The following CDH1 variants were observed in gnomAD, a reference collection of about 807,000 sequenced individuals.
The protein encoded by CDH1 is cadherin-1.
CDH1 carries 35 observed loss-of-function variants against 84.5 expected under a neutral mutation model. The observed-to-expected ratio is 0.41, with a 90% CI of 0.32 to 0.55. The LOEUF is 0.55. Among genes scored for constraint, CDH1 ranks in the 20% least tolerant of loss-of-function variants. CDH1 has a pLI of 0.19. For synonymous variants in CDH1, 417 were observed against 439.0 expected, an observed-to-expected ratio of 0.95 and a Z score of 0.63; for missense variants, 994 against 1,126.6, an observed-to-expected ratio of 0.88 and a Z score of 1.68.
intron 2 of CDH1, among the ~76,000 whole-genome samples, chr16:68,796,985 A>G (rs1272220407): frequency 6.6e-6 from 1 of 152,166 alleles, no homozygotes; most frequent in Non-Finnish European, 1.5e-5. Context: ...CTGTAAACAT[A>G]AAATTACATT....
At chr16:68,818,606 T>C (rs1200325036) in intron 10 of CDH1, among the ~76,000 whole-genome samples, 2 of 149,758 alleles carry the variant, frequency 1.3e-5, no homozygotes, top group Non-Finnish European at 3.0e-5. Flanking sequence ...CCCAGCACTT[T>C]GGGAGGCCGA....
At chr16:68,807,701 G>A (rs954490704) in intron 3 of CDH1, among the ~76,000 whole-genome samples, 1 of 151,796 alleles carries the variant, frequency 6.6e-6, no homozygotes, top group African/African-American at 2.4e-5. Context: ...TTTAAAAAAA[G>A]AAAAGAAAAG....
intron 2 of CDH1, among the ~76,000 whole-genome samples, chr16:68,788,892 C>G (rs1334517319): frequency 6.6e-6 from 1 of 152,140 alleles, no homozygotes; most frequent in Non-Finnish European, 1.5e-5. Context: ...GTAATCCCAG[C>G]TGCTTGGGAG....
chr16:68,813,174 T>C (rs1960885493), intron 8 of CDH1, 139 bp from the exon 9 acceptor site: 1 of 871,290 alleles, frequency 1.1e-6, no homozygotes, highest in Admixed American at 2.0e-5. Flanking sequence ...CCATGATCGC[T>C]CAAATACACT....
Position 68,819,286 on chromosome 16 carries a change from G to T in CDH1, c.1572G>T (p.Arg524=), listed in dbSNP as rs771419468. ...AGAGCTTGTCCCCGTTCAGATATCG[G>T]ATTTGGAGAGACACTGCCAACTGGC... The part of the protein sequence containing the change: ...DTFMEQKITY[R]IWRDTANWLE... Residue 524 remains arginine (R), a synonymous_variant, in exon 11 of 16, where the codon CGG becomes CGT. Coordinates refer to ENST00000261769, the MANE Select transcript of CDH1 (RefSeq NM_004360.5). The T allele has an allele frequency of 1.2e-6, 2 of 1,614,196 alleles. No individual in the cohort carries two copies. Among genetic ancestry groups the T allele is most frequent in the Non-Finnish European group, 1.7e-6 (2 of 1,180,040 alleles).
chr16:68,799,095 G>T (rs1464678311), intron 2 of CDH1, among the ~76,000 whole-genome samples: 1 of 152,176 alleles, frequency 6.6e-6, no homozygotes, highest in Non-Finnish European at 1.5e-5. Context: ...AGTAGAGAAG[G>T]CCAAGGCCCA....
chr16:68,813,597 G>C (rs1348445035), intron 9 of CDH1, 102 bp downstream of exon 9: 1 of 1,192,560 alleles, frequency 8.4e-7, no homozygotes, highest in Admixed American at 1.7e-5. Flanking sequence ...TTTGGCAGGG[G>C]GACAGGGTGA....
chr16:68,772,397 A>T (rs1485443354), intron 2 of CDH1, among the ~76,000 whole-genome samples: 1 of 152,182 alleles, frequency 6.6e-6, no homozygotes, highest in East Asian at 1.9e-4. Flanking sequence ...GTTCACTAAG[A>T]TTAATAAGCC....
rs1055713249 is a variant in CDH1 at position 68,811,727 on chromosome 16, T to G, written c.876T>G (p.Asp292Glu). 6.2e-7 allele frequency: 1 copy of G among 1,614,118 alleles called. No homozygotes were observed. The highest frequency in any genetic ancestry group is 8.5e-7 in the Non-Finnish European group (1 of 1,180,024). ...MEVTATDADD[D>E]VNTYNAAIAY... The stretch of plus-strand genomic sequence containing the variant: ...TCACAGCCACAGACGCGGACGATGA[T>G]GTGAACACCTACAATGCCGCCATCG... Residue 292 changes from aspartate to glutamate, a missense_variant, in exon 7 of 16, where the codon GAT becomes GAG. Asp to Glu is a conservative substitution (Grantham distance 45). This residue lies in a region of CDH1 where 769 missense variants were observed against 881.8 expected (regional missense o/e 0.87). Coordinates refer to ENST00000261769, the MANE Select transcript of CDH1 (RefSeq NM_004360.5).
chr16:68,739,376 C>T (rs990833601), intron 2 of CDH1, among the ~76,000 whole-genome samples: 3 of 151,952 alleles, frequency 2.0e-5, no homozygotes, highest in African/African-American at 4.8e-5. Context: ...GAGATAGTGC[C>T]ACCGCACTCC....
chr16:68,829,943 CTTTT>C, intron 15 of CDH1, 146 bp downstream of exon 15: 1 of 615,040 alleles, frequency 1.6e-6, no homozygotes, highest in Middle Eastern at 4.4e-4. Context: ...TTTCCTTTTT[CTTTT>C]TTTTTCTTTT....
At chr16:68,779,882 C>G (rs1959827877) in intron 2 of CDH1, among the ~76,000 whole-genome samples, 1 of 152,032 alleles carries the variant, frequency 6.6e-6, no homozygotes, top group African/African-American at 2.4e-5. Flanking sequence ...GAAAGGGAGG[C>G]AACTGAGGCC....
chr16:68,816,583 A>C (rs1960992103), intron 10 of CDH1, among the ~76,000 whole-genome samples: 1 of 152,124 alleles, frequency 6.6e-6, no homozygotes, highest in South Asian at 2.1e-4. Flanking sequence ...CCCTGCCTCC[A>C]CTAAAAACAC....
intron 2 of CDH1, among the ~76,000 whole-genome samples, chr16:68,779,630 A>C (rs535198369): frequency 1.3e-5 from 2 of 152,338 alleles, no homozygotes; most frequent in South Asian, 4.1e-4. Context: ...CCGAGCAGGC[A>C]GGAGGATCAC....
chr16:68,776,521 T>TA (rs575232222), intron 2 of CDH1, among the ~76,000 whole-genome samples: 3 of 152,152 alleles, frequency 2.0e-5, no homozygotes, highest in African/African-American at 7.2e-5. Flanking sequence ...AAAATCTCAT[T>TA]AAAAATTTTT....
chr16:68,834,400 A>G lies in CDH1; in HGVS notation c.*901A>G, dbSNP rs1961584469. 3 of 403,672 alleles carry G rather than the reference A, an allele frequency of 7.4e-6. No homozygotes were observed. The highest frequency in any genetic ancestry group is 6.1e-5 in the Admixed American group (2 of 32,802). 25.0% of individuals were successfully genotyped at this position (403,672 alleles called of 1,614,324 possible). Reference sequence around the variant, plus strand: ...ACCAGCCTCCTTTTTATTTTTTTGTACAGATGGGGTCTTGCTATGTTGCCC... The same window carrying G: ...ACCAGCCTCCTTTTTATTTTTTTGTGCAGATGGGGTCTTGCTATGTTGCCC... On this transcript the variant is annotated 3_prime_UTR_variant, in exon 16 of 16. Coordinates refer to ENST00000261769, the MANE Select transcript of CDH1 (RefSeq NM_004360.5).
intron 11 of CDH1, among the ~76,000 whole-genome samples, chr16:68,820,637 A>G (rs773764936): frequency 4.5e-4 from 69 of 152,198 alleles, no homozygotes; most frequent in Non-Finnish European, 8.7e-4. Context: ...GGTGTGAGCC[A>G]CCGTGCCTGG....
At chr16:68,792,367 T>C (rs1449541893) in intron 2 of CDH1, among the ~76,000 whole-genome samples, 3 of 152,016 alleles carry the variant, frequency 2.0e-5, no homozygotes, top group Admixed American at 6.6e-5. Context: ...GTAGCTGGGA[T>C]TACAGGCATG....
intron 2 of CDH1, among the ~76,000 whole-genome samples, chr16:68,762,222 AG>A (rs1959237780): frequency 1.3e-5 from 2 of 152,162 alleles, no homozygotes; most frequent in East Asian, 1.9e-4. Context: ...TTTCTCTCTC[AG>A]GGCCATCTTC....
Sources: gnomAD v4.1 joint callset for allele counts (sites outside exome capture counted in the v4.1 genomes callset) on GRCh38, gnomAD v4.1.1 for gene constraint, gnomAD v4.1.1 regional missense constraint, MANE v1.5 for transcripts, NCBI Gene and HGNC (gene_info 2026-07-23, HGNC 2026-07-21) for gene names.